Variants in MAGI2 observed in about 807,000 individuals in gnomAD.
MAGI2 encodes the protein membrane-associated guanylate kinase, WW and PDZ domain-containing protein 2.
A neutral mutation model predicts 133.3 loss-of-function variants in MAGI2; 35 were observed. That is an observed-to-expected ratio of 0.26 (90% CI 0.20 to 0.35). The LOEUF is 0.35. Ranked by LOEUF, MAGI2 falls within the 10% of genes least tolerant of loss-of-function variation. MAGI2 has a pLI of 1.00. For missense variants in MAGI2, 1,636 were observed against 1,863.4 expected (o/e 0.88, Z 2.25); for synonymous variants, 729 against 710.6 (o/e 1.03, Z -0.41).
At chr7:79,233,957 G>A (rs952822005) in intron 1 of MAGI2, among the ~76,000 whole-genome samples, 32 of 148,248 alleles carry the variant, frequency 2.2e-4, no homozygotes, top group East Asian at 4.0e-4. Context: ...CATGTTTAGC[G>A]CTTCCTTCAG....
chr7:78,474,786 C>G (rs1425213717), intron 6 of MAGI2, among the ~76,000 whole-genome samples: 1 of 151,402 alleles, frequency 6.6e-6, no homozygotes, highest in Non-Finnish European at 1.5e-5. Context: ...ATTTGTTTTT[C>G]TAGAAAATAT....
At chr7:78,513,696 T>C (rs923535666) in intron 4 of MAGI2, among the ~76,000 whole-genome samples, 3 of 152,176 alleles carry the variant, frequency 2.0e-5, no homozygotes, top group Non-Finnish European at 2.9e-5. Flanking sequence ...TCCTCACTCA[T>C]GGATCAAATC....
At chr7:78,867,423 A>T (rs1478392305) in intron 2 of MAGI2, among the ~76,000 whole-genome samples, 1 of 151,508 alleles carries the variant, frequency 6.6e-6, no homozygotes, top group East Asian at 1.9e-4. Context: ...CATCATTCTC[A>T]GTAAACTATT....
At chr7:78,302,550 C>T (rs798277) in intron 9 of MAGI2, among the ~76,000 whole-genome samples, 39,177 of 151,944 alleles carry the variant, frequency 0.26, 5,305 homozygotes, top group African/African-American at 0.31. Context: ...TTTCACAAAC[C>T]ACCTGGTTTA....
Position 78,759,926 on chromosome 7 carries a change from G to C in MAGI2, c.419-132687C>G, listed in dbSNP as rs1401223038. On this transcript the variant is annotated intron_variant, in intron 2 of 21. Coordinates refer to ENST00000354212, the MANE Select transcript of MAGI2 (RefSeq NM_012301.4). Reference sequence around the variant, plus strand: ...GCGGATCATGAGGTCAGCACTTCGAGACCAGCCCGGCCAATATGTCTCTAC... The same window carrying C: ...GCGGATCATGAGGTCAGCACTTCGACACCAGCCCGGCCAATATGTCTCTAC... 5.3e-5 allele frequency among the ~76,000 whole-genome samples: 8 copies of C among 152,180 alleles called. No individual in the cohort carries two copies. In the East Asian group the frequency reaches 1.6e-3, roughly 30 times the overall value.
chr7:78,352,590 T>A (rs537609254), intron 7 of MAGI2, among the ~76,000 whole-genome samples: 1 of 152,268 alleles, frequency 6.6e-6, no homozygotes, highest in Non-Finnish European at 1.5e-5. Flanking sequence ...CATTCACACG[T>A]TAATTTCTCC....
chr7:78,119,072 T>C (rs1345137775), intron 20 of MAGI2, among the ~76,000 whole-genome samples: 1 of 152,210 alleles, frequency 6.6e-6, no homozygotes, highest in East Asian at 1.9e-4. Context: ...TACTACATAC[T>C]GTATGATTCC....
intron 3 of MAGI2, among the ~76,000 whole-genome samples, chr7:78,572,726 G>A (rs376834375): frequency 3.3e-5 from 5 of 151,744 alleles, no homozygotes; most frequent in South Asian, 4.2e-4. Context: ...GCCATGGTGC[G>A]ATCTTGGCTC....
chr7:79,410,572 A>G (rs1164172840), intron 1 of MAGI2: 1 of 152,166 alleles, frequency 6.6e-6, no homozygotes, highest in East Asian at 1.9e-4. Context: ...AACAGTTGGC[A>G]TGACTAATCT....
chr7:78,188,236 C>A (rs189809117), intron 12 of MAGI2, among the ~76,000 whole-genome samples: 1 of 152,228 alleles, frequency 6.6e-6, no homozygotes, highest in Admixed American at 6.5e-5. Flanking sequence ...TCTGAGGATA[C>A]CTTTTTAAAA....
intron 1 of MAGI2, among the ~76,000 whole-genome samples, chr7:79,037,580 T>C (rs1231897546): frequency 6.6e-6 from 1 of 152,078 alleles, no homozygotes; most frequent in Non-Finnish European, 1.5e-5. Flanking sequence ...CCACTAAGAG[T>C]AATTGTTTTA....
chr7:78,022,197 T>C (rs1326214413), intron 21 of MAGI2, among the ~76,000 whole-genome samples: 3 of 152,216 alleles, frequency 2.0e-5, no homozygotes, highest in Non-Finnish European at 2.9e-5. Context: ...TAACAAATGA[T>C]AAGTGGTGGC....
chr7:78,850,109 A>G (rs992252449), intron 2 of MAGI2, among the ~76,000 whole-genome samples: 17 of 152,122 alleles, frequency 1.1e-4, no homozygotes, highest in Non-Finnish European at 1.9e-4. Context: ...TAGATCCATG[A>G]AAATTTCAAA....
intron 3 of MAGI2, among the ~76,000 whole-genome samples, chr7:78,585,587 A>G (rs1231784650): frequency 2.0e-5 from 3 of 152,174 alleles, no homozygotes; most frequent in Non-Finnish European, 4.4e-5. Flanking sequence ...AGAGAGCAGC[A>G]CCTGTGAAGG....
At chr7:78,859,425 G>T (rs1793959282) in intron 2 of MAGI2, among the ~76,000 whole-genome samples, 1 of 151,298 alleles carries the variant, frequency 6.6e-6, no homozygotes, top group Admixed American at 6.6e-5. Context: ...GGTCTTTTAG[G>T]GCAGGCCTGG....
chr7:78,729,448 C>T (rs1451644587), intron 2 of MAGI2, among the ~76,000 whole-genome samples: 3 of 152,082 alleles, frequency 2.0e-5, no homozygotes, highest in African/African-American at 4.8e-5. Context: ...AAAAGAATTC[C>T]AGAAGCACAC....
intron 1 of MAGI2, among the ~76,000 whole-genome samples, chr7:79,375,411 A>G (rs1843317781): frequency 6.6e-6 from 1 of 151,902 alleles, no homozygotes; most frequent in African/African-American, 2.4e-5. Flanking sequence ...TCGAAAAAAC[A>G]CTCTTCCTAC....
chr7:78,843,807 A>G (rs572872359), intron 2 of MAGI2, among the ~76,000 whole-genome samples: 10 of 151,284 alleles, frequency 6.6e-5, no homozygotes, highest in African/African-American at 2.4e-4. Context: ...AACGACAAAA[A>G]TCTAAGAGCA....
intron 2 of MAGI2, among the ~76,000 whole-genome samples, chr7:78,734,507 C>A (rs1821664958): frequency 2.6e-5 from 4 of 152,104 alleles, no homozygotes. Context: ...CAATAATTCA[C>A]CCCCTCTGTA....
Sources: allele counts gnomAD v4.1 joint callset (sites outside exome capture counted in the v4.1 genomes callset), GRCh38; gene constraint gnomAD v4.1.1; transcripts MANE v1.5; gene names NCBI Gene and HGNC (gene_info 2026-07-23, HGNC 2026-07-21).